Variants in MMRN1 observed in about 807,000 individuals in gnomAD.
MMRN1 encodes multimerin-1.
MMRN1 carries 94 observed loss-of-function variants against 100.7 expected under a neutral mutation model. The observed-to-expected ratio is 0.93, with a 90% confidence interval of 0.79 to 1.11. MMRN1 has a LOEUF of 1.11. Ranked by LOEUF, MMRN1 falls within the 50% of genes least tolerant of loss-of-function variation. The pLI, the probability that MMRN1 is intolerant of heterozygous loss-of-function variation, is 0.00. For synonymous variants in MMRN1, 575 were observed against 505.0 expected, an observed-to-expected ratio of 1.14 and a Z score of -1.86; for missense variants, 1,606 against 1,439.1, an observed-to-expected ratio of 1.12 and a Z score of -1.88.
intron 3 of MMRN1, among the ~76,000 whole-genome samples, chr4:89,917,368 G>T (rs997545092): frequency 6.6e-6 from 1 of 151,760 alleles, no homozygotes; most frequent in Non-Finnish European, 1.5e-5. Flanking sequence ...TTTGTGATTT[G>T]TATTGAGGTC....
rs775948921 is a variant in MMRN1, at chr4:89,923,275, C to A, written c.955+3C>A. 191 of 1,611,904 alleles carry A rather than the reference C, an allele frequency of 1.2e-4. No homozygotes were observed. Among genetic ancestry groups the A allele is most frequent in the Non-Finnish European group, 1.5e-4 (182 of 1,178,268 alleles). On this transcript the variant is annotated splice_donor_region_variant and intron_variant, in intron 4 of 7. Transcript: ENST00000264790. ...GCAGCAAGGCTGTGGTGACCCAGGTCATAGATTGTAATTACTATCATCTCT... is the reference window on the plus strand; with the variant it reads ...GCAGCAAGGCTGTGGTGACCCAGGTAATAGATTGTAATTACTATCATCTCT...
At chr4:89,937,051 A>G (rs1265703433) in intron 6 of MMRN1, among the ~76,000 whole-genome samples, 2 of 152,100 alleles carry the variant, frequency 1.3e-5, no homozygotes, top group African/African-American at 4.8e-5. Flanking sequence ...CTAGACCTCT[A>G]TAAAATAATT....
intron 6 of MMRN1, among the ~76,000 whole-genome samples, chr4:89,941,076 T>G (rs886487127): frequency 6.6e-6 from 1 of 152,180 alleles, no homozygotes; most frequent in Non-Finnish European, 1.5e-5. Flanking sequence ...TTTCTACTAT[T>G]TATATGATTT....
intron 1 of MMRN1, among the ~76,000 whole-genome samples, chr4:89,879,792 A>G (rs1017192740): frequency 1.4e-4 from 21 of 152,206 alleles, no homozygotes; most frequent in Non-Finnish European, 5.9e-5. Flanking sequence ...ATGCAGTAAG[A>G]ATGTGTAGAG....
chr4:89,901,230 TTATAA>T (rs1721376645), intron 1 of MMRN1, among the ~76,000 whole-genome samples: 1 of 151,978 alleles, frequency 6.6e-6, no homozygotes, highest in Admixed American at 6.6e-5. Context: ...TGTTTGTTTC[TTATAA>T]TATTTCATTT....
chr4:89,939,611 C>T lies in MMRN1; in HGVS notation c.3118+2813C>T, dbSNP rs1722759964. On this transcript the variant is annotated intron_variant, in intron 6 of 7. Coordinates refer to ENST00000264790, the MANE Select transcript of MMRN1 (RefSeq NM_007351.3). ...AAGTATCCTGCCTAAGGTCATTCAACTAGTAAGTGATAGAGCTTGGCTTCT... is the reference window on the plus strand; with the variant it reads ...AAGTATCCTGCCTAAGGTCATTCAATTAGTAAGTGATAGAGCTTGGCTTCT... Among the ~76,000 whole-genome samples the T allele has an allele frequency of 2.0e-5, 3 of 152,084 alleles. No individual in the cohort carries two copies. In the South Asian group the frequency reaches 6.2e-4, roughly 32 times the overall value.
chr4:89,909,354 GA>G lies in MMRN1; in HGVS notation c.705del (p.Gly236AspfsTer47). 2 of 1,610,162 alleles carry G rather than the reference GA, an allele frequency of 1.2e-6. No individual in the cohort carries two copies. The highest frequency in any genetic ancestry group is 8.5e-7 in the Non-Finnish European group (1 of 1,177,526). ...DNQVTYVPGG[K>X]GPCGWTGGSC... ...ACCAGGTCACTTATGTCCCAGGTGG[GA>G]AAGGACCTTGTGGCTGGACCGGTGG... On this transcript the variant is annotated frameshift_variant, in exon 2 of 8. Transcript: ENST00000264790. LOFTEE classifies it high-confidence loss of function.
At chr4:89,892,025 C>CT (rs1352041052), upstream of MMRN1, among the ~76,000 whole-genome samples, 18 of 151,680 alleles carry the variant, frequency 1.2e-4, 1 homozygote, top group East Asian at 3.1e-3. Flanking sequence ...ACTTAATAAT[C>CT]TTTTTTTGTT....
chr4:89,897,055 CATTT>C (rs1454509291), intron 1 of MMRN1, among the ~76,000 whole-genome samples: 6 of 151,956 alleles, frequency 3.9e-5, no homozygotes, highest in Non-Finnish European at 7.4e-5. Context: ...TCAGAAATGT[CATTT>C]ATTGACAGCT....
At chr4:89,923,140 T>A in intron 3 of MMRN1, 28 bp from the exon 4 acceptor site, 1 of 1,585,290 alleles carries the variant, frequency 6.3e-7, no homozygotes, top group Non-Finnish European at 8.7e-7. Context: ...TGCTTAACTG[T>A]CTCTCTTCTC....
chr4:89,936,514 T>C lies in MMRN1; in HGVS notation c.2834T>C (p.Ile945Thr), dbSNP rs1036318491. ...AGTGTGTCAGAACTGAATGCTACCA[T>C]CCCTAAGTGGATAAAACATTCCCTG... ...STSVSELNAT[I>T]PKWIKHSLPD... The change falls in exon 6 of 8, where the codon ATC becomes ACC. Residue 945 changes from isoleucine (I) to threonine (T), a missense_variant. By Grantham distance (89) the Ile-to-Thr change is moderately conservative. Coordinates refer to ENST00000264790, the MANE Select transcript of MMRN1 (RefSeq NM_007351.3). 1 of 1,613,210 alleles carries C rather than the reference T, an allele frequency of 6.2e-7. No homozygotes were observed. The highest frequency in any genetic ancestry group is 1.3e-5 in the African/African-American group (1 of 75,026).
chr4:89,893,536 T>C (rs1424611786), upstream of MMRN1, among the ~76,000 whole-genome samples: 1 of 152,072 alleles, frequency 6.6e-6, no homozygotes, highest in Non-Finnish European at 1.5e-5. Flanking sequence ...CGGAACTTAA[T>C]AATCTAATAA....
rs201761344 is a variant in MMRN1, at chr4:89,951,737, A to G, written c.3251A>G (p.Asn1084Ser). 141 of 1,612,538 alleles carry G rather than the reference A, an allele frequency of 8.7e-5. No individual in the cohort carries two copies. Among genetic ancestry groups the G allele is most frequent in the Non-Finnish European group, 1.2e-4 (141 of 1,179,444 alleles). ...TGCACTATCAAGCTTGTGGAAGAAA[A>G]TGCTTTAGCTCCAGGTAAAAAAAAA... ...DNCTIKLVEENALAPDFSKGS... is the reference protein window; with the variant it reads ...DNCTIKLVEESALAPDFSKGS... The change falls in exon 7 of 8, where the codon AAT becomes AGT. Residue 1084 changes from asparagine to serine, a missense_variant. Physicochemically the swap from Asn to Ser is conservative, Grantham distance 46. Transcript: ENST00000264790.
At chr4:89,902,999 T>G (rs924776862) in intron 1 of MMRN1, among the ~76,000 whole-genome samples, 1 of 151,920 alleles carries the variant, frequency 6.6e-6, no homozygotes, top group Non-Finnish European at 1.5e-5. Context: ...ATGATTTTCT[T>G]AAGGAAATAA....
Position 89,935,521 on chromosome 4 carries a change from T to C in MMRN1, c.1841T>C (p.Leu614Ser). Residue 614 changes from leucine (L) to serine (S), a missense_variant, in exon 6 of 8, where the codon TTA becomes TCA. Physicochemically the swap from Leu to Ser is moderately radical, Grantham distance 145. Transcript: ENST00000264790. ...KFQLKDTEEN[L>S]HVLNQTLAEV... The stretch of plus-strand genomic sequence containing the variant: ...CAACTTAAGGACACAGAAGAGAATT[T>C]ACATGTGTTAAATCAAACATTGGCT... 1 of 1,613,294 alleles carries C rather than the reference T, an allele frequency of 6.2e-7. No homozygotes were observed. Among genetic ancestry groups the C allele is most frequent in the East Asian group, 2.2e-5 (1 of 44,832 alleles).
Position 89,953,100 on chromosome 4 carries a change from T to C in MMRN1, c.3369T>C (p.Asp1123=), listed in dbSNP as rs138067732. The C allele has an allele frequency of 3.3e-4, 538 of 1,613,804 alleles. 1 individual carries two copies. The highest frequency in any genetic ancestry group is 4.4e-4 in the Non-Finnish European group (522 of 1,179,874). The change falls in exon 8 of 8, where the codon GAT becomes GAC. Residue 1123 remains aspartate, a synonymous_variant. Transcript: ENST00000264790. ...GTCCTATCCTGTTTAATAACTTGGA[T>C]GTCAATTATGGAGCTTCATATACCC... is the stretch of plus-strand genomic sequence containing the variant. The part of the protein sequence containing the change: ...IPGPILFNNL[D]VNYGASYTPR...
chr4:89,888,957 T>G, intron 1 of MMRN1, among the ~76,000 whole-genome samples: 1 of 152,112 alleles, frequency 6.6e-6, no homozygotes, highest in Admixed American at 6.6e-5. Flanking sequence ...GAATTACATT[T>G]TCTTATTTTT....
At chr4:89,892,704 T>A (rs960944520), upstream of MMRN1, among the ~76,000 whole-genome samples, 1 of 151,924 alleles carries the variant, frequency 6.6e-6, no homozygotes, top group Non-Finnish European at 1.5e-5. Context: ...TGAGCAAAAG[T>A]CATTATTGGT....
chr4:89,935,843 C>G lies in MMRN1; in HGVS notation c.2163C>G (p.Ala721=). 6.2e-7 allele frequency: 1 copy of G among 1,612,838 alleles called. No homozygotes were observed. Among genetic ancestry groups the G allele is most frequent in the African/African-American group, 1.3e-5 (1 of 74,930 alleles). Residue 721 remains alanine, a synonymous_variant, in exon 6 of 8, where the codon GCC becomes GCG. Transcript: ENST00000264790. Reference sequence around the variant, plus strand: ...TAGAAAGACGTATCAATGAATATGCCTTAGAAATGGAAGATGGCCTCAATA... The same window carrying G: ...TAGAAAGACGTATCAATGAATATGCGTTAGAAATGGAAGATGGCCTCAATA... ...DALERRINEY[A]LEMEDGLNKT... is the part of the protein sequence containing the mutation.
Sources: gnomAD v4.1 joint callset for allele counts (sites outside exome capture counted in the v4.1 genomes callset) on GRCh38, gnomAD v4.1.1 for gene constraint, MANE v1.5 for transcripts, NCBI Gene and HGNC (gene_info 2026-07-23, HGNC 2026-07-21) for gene names.